PTPRS: variants seen among roughly 807,000 people sequenced by gnomAD.
PTPRS encodes the protein receptor-type tyrosine-protein phosphatase S.
In PTPRS, 63 loss-of-function variants were observed where a neutral mutation model predicts 215.3. The ratio of observed to expected loss-of-function variants is 0.29; its 90% CI spans 0.24 to 0.36. The LOEUF is 0.36. Among genes scored for constraint, PTPRS ranks in the 10% least tolerant of loss-of-function variants. PTPRS has a pLI of 1.00. For missense variants in PTPRS, 2,258 were observed against 2,825.8 expected, an observed-to-expected ratio of 0.80 and a Z score of 4.56; for synonymous variants, 1,404 against 1,191.4, an observed-to-expected ratio of 1.18 and a Z score of -3.68.
At chr19:5,326,124 G>A (rs1304093278) in intron 1 of PTPRS, among the ~76,000 whole-genome samples, 1 of 152,162 alleles carries the variant, frequency 6.6e-6, no homozygotes, top group Non-Finnish European at 1.5e-5. Context: ...CCAGCATCTC[G>A]GGAGGCTGAG....
intron 1 of PTPRS, among the ~76,000 whole-genome samples, chr19:5,317,937 C>T (rs2049922558): frequency 6.6e-6 from 1 of 152,070 alleles, no homozygotes; most frequent in African/African-American, 2.4e-5. Context: ...GTTGGGATGC[C>T]GAGGCGGGCG....
intron 5 of PTPRS, among the ~76,000 whole-genome samples, chr19:5,263,654 T>C (rs2046188117): frequency 6.6e-6 from 1 of 152,208 alleles, no homozygotes; most frequent in South Asian, 2.1e-4. Flanking sequence ...CAAACACGCA[T>C]GTGCAGCCAC....
rs145604170 is a variant in PTPRS, at chr19:5,231,252, C to G, written c.2155+58G>C. The G allele has an allele frequency of 6.0e-6, 9 of 1,512,448 alleles. No homozygotes were observed. The East Asian group carries it at 1.4e-4, about 23-fold the overall frequency. 93.7% of individuals were successfully genotyped at this position (1,512,448 alleles called of 1,614,324 possible). On this transcript the variant is annotated intron_variant, in intron 14 of 37. Coordinates refer to ENST00000262963, the MANE Select transcript of PTPRS (RefSeq NM_002850.4). ...GCCCAGGTTTCCAGATGGAAGGCTT[C>G]GAGGCGGGGGCCGGGCTGGGGCCTG...
intron 2 of PTPRS, among the ~76,000 whole-genome samples, chr19:5,281,431 A>G (rs2047839259): frequency 6.6e-6 from 1 of 152,196 alleles, no homozygotes; most frequent in South Asian, 2.1e-4. Context: ...ATTGCACTCC[A>G]GCCTGGGGGA....
chr19:5,211,266 G>A (rs773212890), intron 33 of PTPRS, among the ~76,000 whole-genome samples: 16 of 152,162 alleles, frequency 1.1e-4, no homozygotes, highest in Non-Finnish European at 1.6e-4. Context: ...GTAGGATGCT[G>A]AGCAGCATGC....
At chr19:5,337,425 A>G (rs2050541395) in intron 1 of PTPRS, among the ~76,000 whole-genome samples, 1 of 152,146 alleles carries the variant, frequency 6.6e-6, no homozygotes, top group Admixed American at 6.5e-5. Context: ...CTCTCCGGCC[A>G]TCCCACTAAC....
chr19:5,248,719 C>A (rs996676882), intron 9 of PTPRS, among the ~76,000 whole-genome samples: 2 of 152,254 alleles, frequency 1.3e-5, no homozygotes, highest in African/African-American at 2.4e-5. Context: ...GTGAACTCCT[C>A]AAGGTCTCTG....
At position 5,218,847 on chromosome 19, in the gene PTPRS, G is replaced by T. The variant is rs377130841; in HGVS notation, c.3924-49C>A. ...TGAGAAGGGGGAAAAAAAGAAGAAA[G>T]GTGAGGGTGTGCCGGCCATCAAGGG... is the stretch of plus-strand genomic sequence containing the variant. On this transcript the variant is annotated intron_variant, in intron 23 of 37. Transcript: ENST00000262963. 1.9e-6 allele frequency: 3 copies of T among 1,556,080 alleles called. No individual in the cohort carries two copies. In the African/African-American group the frequency reaches 4.1e-5, roughly 21 times the overall value.
At chr19:5,266,043 T>C (rs2046375140) in intron 4 of PTPRS, among the ~76,000 whole-genome samples, 1 of 152,140 alleles carries the variant, frequency 6.6e-6, no homozygotes, top group South Asian at 2.1e-4. Flanking sequence ...GTGGATCACT[T>C]AAGGCTAGGA....
In PTPRS at chr19:5,339,385, GAA is replaced by G. The variant is rs959897186; in HGVS notation, c.-95+1277_-95+1278del. Among the ~76,000 whole-genome samples the G allele has an allele frequency of 2.3e-4, 35 of 152,066 alleles. No individual in the cohort carries two copies. The highest frequency in any genetic ancestry group is 1.3e-4 in the Admixed American group (2 of 15,272). On this transcript the variant is annotated intron_variant, in intron 1 of 37. Coordinates refer to ENST00000262963, the MANE Select transcript of PTPRS (RefSeq NM_002850.4). The surrounding 1 kb of genome is among the most constrained non-coding windows in gnomAD (Gnocchi z 4.2). ...GACGAGAAGACGATTTGAGACTGGG[GAA>G]AGAGGGTCAACCGAAGAAGGAGGTC...
Position 5,257,153 on chromosome 19 carries a change from G to C in PTPRS, c.706+864C>G, listed in dbSNP as rs923661585. On this transcript the variant is annotated intron_variant, in intron 8 of 37. Transcript: ENST00000262963. This position sits in a 1 kb window ranked among gnomAD's most constrained non-coding sequence, Gnocchi z 4.4. ...CAAGAGCCAACACACGAGATAAGAG[G>C]AGGCCAACGGAGGCATCTGGGGGCA... Among the ~76,000 whole-genome samples the C allele has an allele frequency of 3.3e-5, 5 of 150,412 alleles. No homozygotes were observed. The highest frequency in any genetic ancestry group is 1.2e-4 in the African/African-American group (5 of 40,828).
chr19:5,211,509 T>C (rs1295814548), intron 33 of PTPRS, 81 bp downstream of exon 33: 2 of 1,423,454 alleles, frequency 1.4e-6, no homozygotes, highest in Admixed American at 2.1e-5. Context: ...CCCAGCTCTG[T>C]CTCCCACAAG....
intron 2 of PTPRS, among the ~76,000 whole-genome samples, chr19:5,276,603 C>G (rs560794376): frequency 1.3e-5 from 2 of 151,382 alleles, no homozygotes; most frequent in African/African-American, 2.4e-5. Context: ...TGCAGTGGTG[C>G]GATCTCGGCT....
At chr19:5,272,600 A>AAAAAAAAAAAAAAAAAAG (rs2047012879) in intron 4 of PTPRS, among the ~76,000 whole-genome samples, 1 of 18,446 alleles carries the variant, frequency 5.4e-5, no homozygotes, top group Non-Finnish European at 1.2e-4. Context: ...TGTCTCAAAA[A>AAAAAAAAAAAAAAAAAAG]AAAAAAAAAA....
In PTPRS at chr19:5,220,341, A is replaced by G. The variant is rs892962988; in HGVS notation, c.3468T>C (p.Ile1156=). 8 of 1,613,562 alleles carry G rather than the reference A, an allele frequency of 5.0e-6. No homozygotes were observed. In the African/African-American group the frequency reaches 6.7e-5, roughly 13 times the overall value. ...GAGACTTGCGCAGTGGCACCATCACAATGAAATAGCTCCTGTAGGGAGATG... is the reference window on the plus strand; with the variant it reads ...GAGACTTGCGCAGTGGCACCATCACGATGAAATAGCTCCTGTAGGGAGATG... The part of the protein sequence containing the change: ...QSPVPVQSYF[I]VMVPLRKSRG... The change falls in exon 21 of 38, where the codon ATT becomes ATC. Residue 1156 remains isoleucine, a synonymous_variant. Transcript: ENST00000262963.
intron 1 of PTPRS, among the ~76,000 whole-genome samples, chr19:5,340,240 C>A (rs1301355917): frequency 1.3e-5 from 2 of 148,420 alleles, no homozygotes; most frequent in Admixed American, 1.3e-4. Context: ...GGACCCGGGC[C>A]GGGCGCCGCC....
At chr19:5,331,710 G>A (rs1251643915) in intron 1 of PTPRS, among the ~76,000 whole-genome samples, 2 of 152,184 alleles carry the variant, frequency 1.3e-5, no homozygotes, top group South Asian at 2.1e-4. Flanking sequence ...AAACGACTGC[G>A]CTACAGAAAG....
chr19:5,290,892 G>T (rs2048759484), intron 1 of PTPRS, among the ~76,000 whole-genome samples: 1 of 151,870 alleles, frequency 6.6e-6, no homozygotes, highest in South Asian at 2.1e-4. Context: ...CTGGACACCT[G>T]GGTCACTCCC....
chr19:5,275,982 C>T (rs1313991781), intron 2 of PTPRS, among the ~76,000 whole-genome samples: 1 of 152,142 alleles, frequency 6.6e-6, no homozygotes, highest in Non-Finnish European at 1.5e-5. Flanking sequence ...TCCCAAGCTG[C>T]TGGATTTATA....
Sources: allele counts gnomAD v4.1 joint callset (sites outside exome capture counted in the v4.1 genomes callset), GRCh38; gene constraint gnomAD v4.1.1; non-coding constraint Gnocchi (gnomAD v3.1); transcripts MANE v1.5; gene names NCBI Gene and HGNC (gene_info 2026-07-23, HGNC 2026-07-21).